Variants in SLC35F1 observed in about 807,000 individuals in gnomAD.
The protein encoded by SLC35F1 is solute carrier family 35 member F1.
A neutral mutation model predicts 48.7 loss-of-function variants in SLC35F1; 14 were observed. The observed-to-expected ratio is 0.29, with a 90% CI of 0.19 to 0.45. The LOEUF is 0.45. SLC35F1 is among the 20% of genes least tolerant of loss of function. SLC35F1 has a pLI of 1.00. For synonymous variants in SLC35F1, 190 were observed against 202.2 expected (o/e 0.94, Z 0.51); for missense variants, 404 against 500.0 (o/e 0.81, Z 1.83).
intron 2 of SLC35F1, among the ~76,000 whole-genome samples, chr6:118,194,207 A>T (rs1774770786): frequency 6.6e-6 from 1 of 152,176 alleles, no homozygotes; most frequent in South Asian, 2.1e-4. Flanking sequence ...TAGGGCCAGG[A>T]AAGCATGCAG....
Position 117,966,981 on chromosome 6 carries a change from T to C in SLC35F1, c.173+59082T>C, listed in dbSNP as rs184399355. On this transcript the variant is annotated intron_variant, in intron 1 of 7. Coordinates refer to ENST00000360388, the MANE Select transcript of SLC35F1 (RefSeq NM_001029858.4). Reference sequence around the variant, plus strand: ...CACTGATACTTCTCTTTAGAAACTTTGATATTTTTGATTTGTTTCAGCTTG... The same window carrying C: ...CACTGATACTTCTCTTTAGAAACTTCGATATTTTTGATTTGTTTCAGCTTG... Among the ~76,000 whole-genome samples, 60 of 152,314 alleles carry C rather than the reference T, an allele frequency of 3.9e-4. 1 individual carries two copies. The East Asian group carries it at 9.3e-3, about 24-fold the overall frequency.
chr6:118,311,459 G>T (rs1018557761), intron 7 of SLC35F1, among the ~76,000 whole-genome samples: 1 of 152,146 alleles, frequency 6.6e-6, no homozygotes. Flanking sequence ...ACATTGGTCA[G>T]ACAAAACACA....
At chr6:117,920,143 A>C (rs2114799975) in intron 1 of SLC35F1, among the ~76,000 whole-genome samples, 1 of 152,306 alleles carries the variant, frequency 6.6e-6, no homozygotes, top group Middle Eastern at 3.4e-3. Context: ...CCGGGGAAAC[A>C]CTGCGCTCTT....
intron 1 of SLC35F1, among the ~76,000 whole-genome samples, chr6:117,947,475 AC>A (rs1776309833): frequency 1.3e-5 from 2 of 152,316 alleles, no homozygotes; most frequent in South Asian, 4.1e-4. Context: ...CTGATTTATA[AC>A]AGCTCTCTGG....
chr6:117,919,538 C>A (rs1410358060), intron 1 of SLC35F1, among the ~76,000 whole-genome samples: 4 of 152,092 alleles, frequency 2.6e-5, no homozygotes, highest in African/African-American at 9.7e-5. Context: ...CCTCGGCTCG[C>A]AGTGACTTTG....
chr6:117,934,494 G>T (rs974016292), intron 1 of SLC35F1, among the ~76,000 whole-genome samples: 1 of 152,044 alleles, frequency 6.6e-6, no homozygotes, highest in Non-Finnish European at 1.5e-5. Flanking sequence ...TCATATATAG[G>T]TTTACCTCAC....
chr6:118,162,918 A>G lies in SLC35F1; in HGVS notation c.349+8298A>G, dbSNP rs1223575818. On this transcript the variant is annotated intron_variant, in intron 2 of 7. Coordinates refer to ENST00000360388, the MANE Select transcript of SLC35F1 (RefSeq NM_001029858.4). ...CTTAACGAAACTTATAGTATCCAATAGTGCATTTCGTGTGTGTGCTAATGT... is the reference window on the plus strand; with the variant it reads ...CTTAACGAAACTTATAGTATCCAATGGTGCATTTCGTGTGTGTGCTAATGT... 2.0e-5 allele frequency among the ~76,000 whole-genome samples: 3 copies of G among 151,830 alleles called. No homozygotes were observed. The East Asian group carries it at 5.8e-4, about 29-fold the overall frequency.
intron 2 of SLC35F1, among the ~76,000 whole-genome samples, chr6:118,180,106 C>A (rs761313919): frequency 3.5e-4 from 53 of 152,104 alleles, no homozygotes; most frequent in Admixed American, 1.8e-3. Flanking sequence ...GAATTTCTGA[C>A]CATAGCCCAT....
intron 1 of SLC35F1, among the ~76,000 whole-genome samples, chr6:118,015,679 GT>G (rs1243298781): frequency 6.6e-6 from 1 of 152,156 alleles, no homozygotes; most frequent in African/African-American, 2.4e-5. Context: ...TCTAAACAGA[GT>G]TTTCTAAATA....
chr6:118,210,411 A>C (rs948853867), intron 2 of SLC35F1, among the ~76,000 whole-genome samples: 1 of 152,222 alleles, frequency 6.6e-6, no homozygotes, highest in Non-Finnish European at 1.5e-5. Flanking sequence ...AGGGACAAAA[A>C]AATCTAATTC....
At chr6:118,307,701 G>A (rs546004371) in intron 7 of SLC35F1, among the ~76,000 whole-genome samples, 4 of 152,278 alleles carry the variant, frequency 2.6e-5, no homozygotes, top group South Asian at 2.1e-4. Context: ...GTTTGTGTTC[G>A]TTTTTCCATG....
chr6:118,256,212 GT>G (rs1775642112), intron 3 of SLC35F1, among the ~76,000 whole-genome samples: 2 of 26,100 alleles, frequency 7.7e-5, no homozygotes, highest in South Asian at 1.3e-3. Flanking sequence ...TCTGGTGTGT[GT>G]GTGTGTGTGT....
At chr6:118,004,294 T>A (rs1408003874) in intron 1 of SLC35F1, among the ~76,000 whole-genome samples, 1 of 152,184 alleles carries the variant, frequency 6.6e-6, no homozygotes, top group African/African-American at 2.4e-5. Context: ...TAAATGTTCT[T>A]ATGGAGAAAT....
At chr6:118,224,919 C>T (rs1386527347) in intron 2 of SLC35F1, among the ~76,000 whole-genome samples, 2 of 152,046 alleles carry the variant, frequency 1.3e-5, no homozygotes, top group African/African-American at 4.8e-5. Context: ...TGCCTAATTG[C>T]TCTGGCCTGG....
At chr6:118,223,159 G>T (rs73525846) in intron 2 of SLC35F1, among the ~76,000 whole-genome samples, 2,092 of 152,178 alleles carry the variant, frequency 0.014, 30 homozygotes, top group African/African-American at 0.035. Flanking sequence ...AAATGTTACT[G>T]ATTTGTTTTA....
chr6:118,275,326 G>T, intron 4 of SLC35F1, 133 bp from the exon 5 acceptor site: 2 of 969,786 alleles, frequency 2.1e-6, no homozygotes, highest in East Asian at 5.3e-5. Flanking sequence ...CTAAATCTCA[G>T]TTGGAAATTG....
intron 3 of SLC35F1, among the ~76,000 whole-genome samples, chr6:118,246,261 T>C (rs766492397): frequency 1.3e-5 from 2 of 152,186 alleles, no homozygotes; most frequent in Non-Finnish European, 2.9e-5. Flanking sequence ...CTTTGGGTTT[T>C]AAAGCTGATC....
chr6:118,195,145 G>C (rs205929), intron 2 of SLC35F1, among the ~76,000 whole-genome samples: 5,596 of 152,144 alleles, frequency 0.037, 175 homozygotes, highest in African/African-American at 0.076. Flanking sequence ...TTTACTGAGG[G>C]GAGGGCCTCT....
rs1772048531 is a variant in SLC35F1, at chr6:118,031,492, T to G, written c.174-122953T>G. Among the ~76,000 whole-genome samples, 6 of 152,172 alleles carry G rather than the reference T, an allele frequency of 3.9e-5. No homozygotes were observed. In the South Asian group the frequency reaches 1.2e-3, roughly 32 times the overall value. On this transcript the variant is annotated intron_variant, in intron 1 of 7. Coordinates refer to ENST00000360388, the MANE Select transcript of SLC35F1 (RefSeq NM_001029858.4). ...CAGCTGGTGAGTCTGAGGCTAGTTC[T>G]AAGGGGTACATGAAGAGCGAGTACT...
Sources: allele counts gnomAD v4.1 joint callset (sites outside exome capture counted in the v4.1 genomes callset), GRCh38; gene constraint gnomAD v4.1.1; transcripts MANE v1.5; gene names NCBI Gene and HGNC (gene_info 2026-07-23, HGNC 2026-07-21).